Variants in PPM1L observed in about 807,000 individuals in gnomAD.
PPM1L encodes the protein protein phosphatase, Mg2+/Mn2+ dependent 1L, also known as protein phosphatase 1L.
PPM1L carries 13 observed loss-of-function variants against 31.4 expected under a neutral mutation model. The ratio of observed to expected loss-of-function variants is 0.41; its 90% CI spans 0.27 to 0.66. The LOEUF (loss-of-function observed/expected upper bound fraction) is 0.66. PPM1L is among the 30% of genes least tolerant of loss of function. The pLI is 0.29. For synonymous variants in PPM1L, 184 were observed against 175.4 expected, an observed-to-expected ratio of 1.05 and a Z score of -0.39; for missense variants, 326 against 453.7, an observed-to-expected ratio of 0.72 and a Z score of 2.56.
intron 1 of PPM1L, among the ~76,000 whole-genome samples, chr3:160,952,825 A>G (rs1247967132): frequency 6.6e-6 from 1 of 152,178 alleles, no homozygotes; most frequent in African/African-American, 2.4e-5. Context: ...TTTTAGGCAT[A>G]TATGTGGTGT....
chr3:160,805,060 T>A (rs936867747), intron 1 of PPM1L, among the ~76,000 whole-genome samples: 1 of 152,204 alleles, frequency 6.6e-6, no homozygotes, highest in African/African-American at 2.4e-5. Context: ...CTTGGGAAGC[T>A]GGCTATGTTC....
chr3:160,922,141 T>A (rs1714431820), intron 1 of PPM1L, among the ~76,000 whole-genome samples: 2 of 151,984 alleles, frequency 1.3e-5, no homozygotes, highest in South Asian at 4.1e-4. Flanking sequence ...AAACCCCATC[T>A]CTGCTAAAAA....
At chr3:160,903,541 A>G (rs1713637107) in intron 1 of PPM1L, among the ~76,000 whole-genome samples, 1 of 152,192 alleles carries the variant, frequency 6.6e-6, no homozygotes, top group Non-Finnish European at 1.5e-5. Context: ...GACCAAAACA[A>G]CTGATCACCG....
At chr3:160,800,425 C>G (rs1160005670) in intron 1 of PPM1L, among the ~76,000 whole-genome samples, 1 of 151,980 alleles carries the variant, frequency 6.6e-6, no homozygotes, top group African/African-American at 2.4e-5. Flanking sequence ...TTCTGAGAAG[C>G]ATTAATACTT....
At chr3:160,862,662 G>GCACACACACACACACA (rs6148164) in intron 1 of PPM1L, among the ~76,000 whole-genome samples, 3 of 127,224 alleles carry the variant, frequency 2.4e-5, no homozygotes, top group African/African-American at 7.0e-5. Flanking sequence ...CTAGGCACAC[G>GCACACACACACACACA]CACACACACA....
intron 1 of PPM1L, among the ~76,000 whole-genome samples, chr3:160,854,486 C>T (rs150833982): frequency 6.6e-6 from 1 of 152,126 alleles, no homozygotes; most frequent in East Asian, 1.9e-4. Flanking sequence ...CCTTGAATAC[C>T]AGGCTTAGAA....
intron 2 of PPM1L, among the ~76,000 whole-genome samples, chr3:161,055,370 C>T (rs1397313088): frequency 6.6e-6 from 1 of 151,988 alleles, no homozygotes; most frequent in East Asian, 1.9e-4. Flanking sequence ...GGGCTGACCA[C>T]AGTGTTGGCT....
intron 1 of PPM1L, among the ~76,000 whole-genome samples, chr3:160,954,607 G>A (rs1006403515): frequency 2.6e-5 from 4 of 151,868 alleles, no homozygotes; most frequent in African/African-American, 7.3e-5. Context: ...CAAATGATCC[G>A]CCCACCTCAG....
At chr3:160,802,870 T>A (rs1174897254) in intron 1 of PPM1L, among the ~76,000 whole-genome samples, 2 of 152,228 alleles carry the variant, frequency 1.3e-5, no homozygotes, top group African/African-American at 2.4e-5. Context: ...CACAATTAAA[T>A]ATTTTTTTGA....
At chr3:160,840,488 A>G (rs1194945864) in intron 1 of PPM1L, among the ~76,000 whole-genome samples, 1 of 152,152 alleles carries the variant, frequency 6.6e-6, no homozygotes, top group African/African-American at 2.4e-5. Context: ...TCACACAATT[A>G]TGAAGGCCGA....
At chr3:160,847,656 G>A (rs1714123809) in intron 1 of PPM1L, among the ~76,000 whole-genome samples, 1 of 151,750 alleles carries the variant, frequency 6.6e-6, no homozygotes. Context: ...ACACACCCAG[G>A]GACATACCAA....
At chr3:160,847,306 C>A (rs746986928) in intron 1 of PPM1L, among the ~76,000 whole-genome samples, 1 of 151,802 alleles carries the variant, frequency 6.6e-6, no homozygotes. Context: ...AGAGAAGAAC[C>A]AATATTTTAT....
intron 1 of PPM1L, among the ~76,000 whole-genome samples, chr3:160,786,899 G>A (rs532785339): frequency 6.6e-6 from 1 of 152,148 alleles, no homozygotes; most frequent in African/African-American, 2.4e-5. Context: ...GCCTCTAGCT[G>A]GATTCATGTT....
intron 1 of PPM1L, among the ~76,000 whole-genome samples, chr3:160,958,709 T>A (rs554745934): frequency 6.6e-6 from 1 of 152,334 alleles, no homozygotes; most frequent in Non-Finnish European, 1.5e-5. Context: ...TTTGGTGATG[T>A]TAAAGTTGTA....
chr3:160,902,645 G>C (rs1297550374), intron 1 of PPM1L, among the ~76,000 whole-genome samples: 5 of 152,110 alleles, frequency 3.3e-5, no homozygotes, highest in Non-Finnish European at 1.5e-5. Flanking sequence ...CAAGGCCAGT[G>C]TTTTTCTACA....
chr3:161,045,845 C>G (rs529803726), intron 2 of PPM1L, among the ~76,000 whole-genome samples: 7 of 152,174 alleles, frequency 4.6e-5, no homozygotes, highest in Admixed American at 2.6e-4. Context: ...GGCGTGGTGG[C>G]TCATGCCTGT....
intron 2 of PPM1L, among the ~76,000 whole-genome samples, chr3:161,049,139 G>A (rs987808744): frequency 1.3e-5 from 2 of 151,370 alleles, no homozygotes; most frequent in Admixed American, 6.6e-5. Flanking sequence ...TTAGATGGAC[G>A]TGGTAGCACA....
intron 2 of PPM1L, among the ~76,000 whole-genome samples, chr3:161,056,566 G>T (rs1719419453): frequency 6.6e-6 from 1 of 152,106 alleles, no homozygotes; most frequent in East Asian, 1.9e-4. Context: ...CACCAAGATA[G>T]CCCTGTTAAT....
chr3:160,851,113 A>G (rs76824087), intron 1 of PPM1L, among the ~76,000 whole-genome samples: 4,882 of 152,252 alleles, frequency 0.032, 245 homozygotes, highest in African/African-American at 0.11. Flanking sequence ...ACGACCAGAT[A>G]GATGTTAAAT....
Sources: gnomAD v4.1 joint callset for allele counts (sites outside exome capture counted in the v4.1 genomes callset) on GRCh38, gnomAD v4.1.1 for gene constraint, MANE v1.5 for transcripts, NCBI Gene and HGNC (gene_info 2026-07-23, HGNC 2026-07-21) for gene names.